RIMS1: variants seen among roughly 807,000 people sequenced by gnomAD.
The protein encoded by RIMS1 is regulating synaptic membrane exocytosis protein 1.
Under a neutral mutation model 214.1 loss-of-function variants are expected in RIMS1, and 83 were observed. That is an observed-to-expected ratio of 0.39 (90% CI 0.32 to 0.47). The LOEUF (loss-of-function observed/expected upper bound fraction) is 0.47. Ranked by LOEUF, RIMS1 falls within the 20% of genes least tolerant of loss-of-function variation. RIMS1 has a pLI of 0.99. For missense variants in RIMS1, 2,050 were observed against 2,161.8 expected (o/e 0.95, Z 1.03); for synonymous variants, 793 against 786.8 (o/e 1.01, Z -0.13).
In RIMS1 at chr6:72,251,110, A is replaced by T; in HGVS notation, c.2544+18A>T. 6.4e-7 allele frequency: 1 copy of T among 1,565,714 alleles called. No individual in the cohort carries two copies. Among genetic ancestry groups the T allele is most frequent in the Non-Finnish European group, 8.7e-7 (1 of 1,154,416 alleles). ...TTGGAGAGGTGATGTATATTTTAAA[A>T]ACTCAAGTCAAATAGTTAATAAAGT... is the stretch of plus-strand genomic sequence containing the variant. On this transcript the variant is annotated intron_variant, in intron 14 of 33. Coordinates refer to ENST00000521978, the MANE Select transcript of RIMS1 (RefSeq NM_014989.7).
chr6:72,208,216 A>G (rs1434927275), intron 6 of RIMS1, among the ~76,000 whole-genome samples: 2 of 152,226 alleles, frequency 1.3e-5, no homozygotes, highest in African/African-American at 4.8e-5. Context: ...ACAAGCAACA[A>G]GTCTGTTGTA....
chr6:72,124,282 A>G (rs1380980894), intron 4 of RIMS1, among the ~76,000 whole-genome samples: 1 of 151,804 alleles, frequency 6.6e-6, no homozygotes, highest in Non-Finnish European at 1.5e-5. Flanking sequence ...CTTTTCTTTA[A>G]GAATGTTGAA....
intron 1 of RIMS1, among the ~76,000 whole-genome samples, chr6:71,947,221 T>G (rs1387306325): frequency 1.3e-5 from 2 of 152,038 alleles, no homozygotes; most frequent in African/African-American, 4.8e-5. Flanking sequence ...CCAAAAAATA[T>G]GAAATCAGTT....
chr6:71,991,213 T>C (rs1211294285), intron 2 of RIMS1, among the ~76,000 whole-genome samples: 1 of 152,210 alleles, frequency 6.6e-6, no homozygotes, highest in Non-Finnish European at 1.5e-5. Context: ...AATTGCAGAC[T>C]TTATTTTTGA....
intron 4 of RIMS1, among the ~76,000 whole-genome samples, chr6:72,132,105 C>T (rs146987651): frequency 0.067 from 10,260 of 152,084 alleles, 416 homozygotes; most frequent in Non-Finnish European, 0.093. Flanking sequence ...GTGCAGTTAA[C>T]GCAATTATCA....
chr6:72,237,748 A>T, intron 8 of RIMS1, 75 bp from the exon 9 acceptor site: 2 of 1,041,598 alleles, frequency 1.9e-6, no homozygotes. Context: ...AAAAGAATGT[A>T]GGATTAATTC....
intron 6 of RIMS1, among the ~76,000 whole-genome samples, chr6:72,228,603 T>C (rs151024635): frequency 1.1e-3 from 171 of 152,074 alleles, no homozygotes; most frequent in African/African-American, 4.1e-3. Context: ...TTGGCTATAG[T>C]GAATAGTGCT....
chr6:72,251,462 AT>A, intron 15 of RIMS1, 94 bp downstream of exon 15: 2 of 1,041,346 alleles, frequency 1.9e-6, no homozygotes, highest in Non-Finnish European at 2.7e-6. Flanking sequence ...TAAATGTTTT[AT>A]TAGAGATCAA....
chr6:72,192,042 G>T (rs771000448), intron 6 of RIMS1, among the ~76,000 whole-genome samples: 1 of 152,212 alleles, frequency 6.6e-6, no homozygotes, highest in Non-Finnish European at 1.5e-5. Context: ...CTACCAGTCA[G>T]GGAGCCAACG....
chr6:72,203,498 T>G (rs1276776858), intron 6 of RIMS1, among the ~76,000 whole-genome samples: 3 of 152,056 alleles, frequency 2.0e-5, no homozygotes, highest in Non-Finnish European at 4.4e-5. Flanking sequence ...CTTATAGACC[T>G]GTAGAGAGAA....
chr6:72,327,058 A>G (rs2096496704), intron 28 of RIMS1, among the ~76,000 whole-genome samples: 1 of 151,760 alleles, frequency 6.6e-6, no homozygotes, highest in Non-Finnish European at 1.5e-5. Context: ...CCTCCAGATG[A>G]AACATAGCCC....
chr6:72,025,714 T>C (rs1175069870), intron 2 of RIMS1, among the ~76,000 whole-genome samples: 3 of 152,196 alleles, frequency 2.0e-5, no homozygotes, highest in Non-Finnish European at 4.4e-5. Flanking sequence ...CCAACAACTA[T>C]AATCGTCTCT....
chr6:72,238,579 A>G (rs1222345426), intron 9 of RIMS1, among the ~76,000 whole-genome samples: 4 of 152,128 alleles, frequency 2.6e-5, no homozygotes, highest in African/African-American at 9.7e-5. Context: ...ACATTTTAAA[A>G]TCCATTTTTG....
intron 4 of RIMS1, among the ~76,000 whole-genome samples, chr6:72,129,840 C>G (rs577160141): frequency 9.0e-4 from 137 of 152,154 alleles, no homozygotes; most frequent in African/African-American, 3.0e-3. Flanking sequence ...TCTCGAGAAA[C>G]ATACATGAAT....
intron 1 of RIMS1, among the ~76,000 whole-genome samples, chr6:71,941,358 A>G (rs1786076809): frequency 6.6e-6 from 1 of 152,218 alleles, no homozygotes; most frequent in Admixed American, 6.5e-5. Context: ...TTTGTTTTAC[A>G]AAAGTGGCAA....
intron 26 of RIMS1, among the ~76,000 whole-genome samples, chr6:72,306,461 A>G (rs991214496): frequency 1.4e-4 from 21 of 152,174 alleles, no homozygotes; most frequent in African/African-American, 5.1e-4. Context: ...ATTTAAAGGC[A>G]AGGTTTTGAA....
At chr6:72,087,937 A>C (rs2153787844) in intron 2 of RIMS1, among the ~76,000 whole-genome samples, 1 of 152,294 alleles carries the variant, frequency 6.6e-6, no homozygotes, top group East Asian at 1.9e-4. Context: ...GAACCAATTG[A>C]GATGTCTATC....
intron 2 of RIMS1, among the ~76,000 whole-genome samples, chr6:72,041,806 T>C (rs1441663579): frequency 1.3e-5 from 2 of 151,990 alleles, no homozygotes; most frequent in East Asian, 1.9e-4. Context: ...TATTTCATCG[T>C]TGAATCTTCA....
rs1590621863 is a variant in RIMS1 at position 72,251,438 on chromosome 6, C to A, written c.2698+70C>A. Reference sequence around the variant, plus strand: ...ATGATCTAATTAGTGATTAATAATTCAAGATGTTTTTTTTAAATGTTTTAT... The same window carrying A: ...ATGATCTAATTAGTGATTAATAATTAAAGATGTTTTTTTTAAATGTTTTAT... On this transcript the variant is annotated intron_variant, in intron 15 of 33. Transcript: ENST00000521978. 5 of 1,198,988 alleles carry A rather than the reference C, an allele frequency of 4.2e-6. No individual in the cohort carries two copies. The South Asian group carries it at 7.6e-5, about 18-fold the overall frequency. The allele number at this position is 1,198,988 out of a possible 1,614,324, so 74.3% of individuals were successfully genotyped here.
Sources: allele counts gnomAD v4.1 joint callset (sites outside exome capture counted in the v4.1 genomes callset), GRCh38; gene constraint gnomAD v4.1.1; transcripts MANE v1.5; gene names NCBI Gene and HGNC (gene_info 2026-07-23, HGNC 2026-07-21).